MACROD2: variants seen among roughly 807,000 people sequenced by gnomAD.
MACROD2 encodes the protein mono-ADP ribosylhydrolase 2, also known as ADP-ribose glycohydrolase MACROD2.
In MACROD2, 36 loss-of-function variants were observed where a neutral mutation model predicts 70.4. That is an observed-to-expected ratio of 0.51 (90% confidence interval 0.39 to 0.68). The LOEUF is 0.68. Among genes scored for constraint, MACROD2 ranks in the 30% least tolerant of loss-of-function variants. MACROD2 has a pLI of 0.00. For missense variants in MACROD2, 496 were observed against 538.4 expected (o/e 0.92, Z 0.78); for synonymous variants, 172 against 178.8 (o/e 0.96, Z 0.30).
intron 3 of MACROD2, among the ~76,000 whole-genome samples, chr20:14,464,227 A>C (rs901355981): frequency 1.3e-5 from 2 of 151,996 alleles, no homozygotes; most frequent in Non-Finnish European, 2.9e-5. Flanking sequence ...TTATTGGTCT[A>C]TTCAGAGATT....
At chr20:14,487,573 C>T (rs971379703) in intron 3 of MACROD2, among the ~76,000 whole-genome samples, 1 of 152,120 alleles carries the variant, frequency 6.6e-6, no homozygotes, top group Non-Finnish European at 1.5e-5. Context: ...TATGGCTTTC[C>T]CCTTCCCCTC....
intron 8 of MACROD2, among the ~76,000 whole-genome samples, chr20:15,772,095 AAAAAAAATAT>A (rs1272557762): frequency 1.1e-5 from 1 of 94,296 alleles, no homozygotes; most frequent in African/African-American, 5.1e-5. Context: ...AAAAAAAAAA[AAAAAAAATAT>A]ATATATATAT....
At chr20:15,573,255 A>G (rs1043439461) in intron 8 of MACROD2, among the ~76,000 whole-genome samples, 5 of 152,164 alleles carry the variant, frequency 3.3e-5, no homozygotes, top group African/African-American at 9.7e-5. Context: ...ATGCCTTCAC[A>G]TGCCAAAACA....
At chr20:15,253,139 A>C (rs1568670093) in intron 6 of MACROD2, among the ~76,000 whole-genome samples, 1 of 152,210 alleles carries the variant, frequency 6.6e-6, no homozygotes, top group East Asian at 1.9e-4. Flanking sequence ...AAGTGTGTTC[A>C]GTCATCAAAA....
intron 8 of MACROD2, among the ~76,000 whole-genome samples, chr20:15,857,730 C>T (rs2064373195): frequency 6.6e-6 from 1 of 152,116 alleles, no homozygotes; most frequent in South Asian, 2.1e-4. Flanking sequence ...TTGACATAGA[C>T]TGTAACAGAG....
intron 4 of MACROD2, among the ~76,000 whole-genome samples, chr20:14,611,159 C>A (rs1007531185): frequency 3.3e-5 from 5 of 152,086 alleles, no homozygotes; most frequent in Non-Finnish European, 7.4e-5. Flanking sequence ...TCAAATATCA[C>A]CCAAGCCACT....
chr20:15,920,987 CT>C (rs2065395674), intron 10 of MACROD2, among the ~76,000 whole-genome samples: 1 of 152,162 alleles, frequency 6.6e-6, no homozygotes, highest in African/African-American at 2.4e-5. Flanking sequence ...CCCTCCTCAC[CT>C]GCTGCCCCTT....
At chr20:15,298,682 C>T (rs1367611782) in intron 6 of MACROD2, among the ~76,000 whole-genome samples, 2 of 152,140 alleles carry the variant, frequency 1.3e-5, no homozygotes, top group Non-Finnish European at 2.9e-5. Flanking sequence ...GGGGGTCACA[C>T]CAATGGTTGT....
intron 8 of MACROD2, among the ~76,000 whole-genome samples, chr20:15,800,044 T>C (rs374214766): frequency 1.3e-5 from 2 of 152,204 alleles, no homozygotes; most frequent in Admixed American, 6.5e-5. Context: ...ACTCATGATG[T>C]TGAGCAATTT....
intron 3 of MACROD2, among the ~76,000 whole-genome samples, chr20:14,471,767 A>G (rs1204426468): frequency 1.3e-5 from 2 of 152,190 alleles, no homozygotes; most frequent in African/African-American, 4.8e-5. Context: ...GACATAGGAA[A>G]CTACCTTTAG....
chr20:15,606,891 A>G (rs1286152646), intron 8 of MACROD2, among the ~76,000 whole-genome samples: 2 of 151,700 alleles, frequency 1.3e-5, no homozygotes, highest in Admixed American at 6.6e-5. Flanking sequence ...AATCCCAGCT[A>G]CTCGGGAGGC....
intron 8 of MACROD2, among the ~76,000 whole-genome samples, chr20:15,741,574 T>C (rs1439000056): frequency 6.6e-6 from 1 of 152,118 alleles, no homozygotes; most frequent in Non-Finnish European, 1.5e-5. Flanking sequence ...CCTCACCTCC[T>C]TCACATCTTT....
rs529584542 is a variant in MACROD2, at chr20:15,006,687, GAT to G, written c.419-223251_419-223250del. On this transcript the variant is annotated intron_variant, in intron 5 of 17. Coordinates refer to ENST00000684519, the MANE Select transcript of MACROD2 (RefSeq NM_001351661.2). ...TAAACAAAGCAAAACAAAACTGTAA[GAT>G]AAATTTAATAGAAGCTTTGGAAATT... Among the ~76,000 whole-genome samples the G allele has an allele frequency of 2.6e-4, 39 of 152,188 alleles. No individual in the cohort carries two copies. The East Asian group carries it at 7.5e-3, about 29-fold the overall frequency.
intron 5 of MACROD2, among the ~76,000 whole-genome samples, chr20:14,828,857 T>C (rs182496475): frequency 6.6e-6 from 1 of 152,184 alleles, no homozygotes; most frequent in Admixed American, 6.5e-5. Flanking sequence ...TGTTTTATTG[T>C]TGGACCAAAA....
intron 3 of MACROD2, among the ~76,000 whole-genome samples, chr20:14,118,762 G>A (rs975718252): frequency 1.3e-5 from 2 of 151,804 alleles, no homozygotes; most frequent in African/African-American, 4.8e-5. Flanking sequence ...TGGCTAGAAG[G>A]GATTAGTTTT....
At chr20:14,195,451 T>C (rs925107995) in intron 3 of MACROD2, among the ~76,000 whole-genome samples, 1 of 152,094 alleles carries the variant, frequency 6.6e-6, no homozygotes, top group African/African-American at 2.4e-5. Flanking sequence ...GGTCCCTGGC[T>C]AGGGCTCCGC....
At chr20:14,888,610 A>T (rs531761822) in intron 5 of MACROD2, 2 of 152,266 alleles carry the variant, frequency 1.3e-5, no homozygotes, top group East Asian at 3.9e-4. Flanking sequence ...AATTTTAAGC[A>T]CACATCCTGA....
At chr20:14,884,484 A>AG (rs1363275638) in intron 5 of MACROD2, 1 of 152,138 alleles carries the variant, frequency 6.6e-6, no homozygotes, top group Non-Finnish European at 1.5e-5. Flanking sequence ...AAGATACCAC[A>AG]GCTAGAAACT....
At chr20:15,270,170 T>G (rs1743507603) in intron 6 of MACROD2, among the ~76,000 whole-genome samples, 1 of 151,700 alleles carries the variant, frequency 6.6e-6, no homozygotes, top group Non-Finnish European at 1.5e-5. Flanking sequence ...TTTTTTTTTT[T>G]TTGGCTGTAC....
Sources: allele counts gnomAD v4.1 joint callset (sites outside exome capture counted in the v4.1 genomes callset), GRCh38; gene constraint gnomAD v4.1.1; transcripts MANE v1.5; gene names NCBI Gene and HGNC (gene_info 2026-07-23, HGNC 2026-07-21).